ELFN2: variants seen among roughly 807,000 people sequenced by gnomAD.
ELFN2 encodes protein phosphatase 1 regulatory subunit 29.
ELFN2 carries 17 observed loss-of-function variants against 45.5 expected under a neutral mutation model. The observed-to-expected ratio is 0.37, with a 90% confidence interval of 0.26 to 0.56. ELFN2 has a LOEUF of 0.56. Among genes scored for constraint, ELFN2 ranks in the 20% least tolerant of loss-of-function variants. The probability of loss-of-function intolerance (pLI) is 0.77; values close to 1 mark genes in which losing one functional copy is unlikely to be tolerated. For synonymous variants in ELFN2, 550 were observed against 551.5 expected (o/e 1.00, Z 0.04); for missense variants, 922 against 1,183.2 (o/e 0.78, Z 3.24).
chr22:37,400,224 T>C (rs1381508424), intron 2 of ELFN2, among the ~76,000 whole-genome samples: 1 of 151,512 alleles, frequency 6.6e-6, no homozygotes, highest in Non-Finnish European at 1.5e-5. Context: ...CCCTCGTGTC[T>C]ACCCCCATCC....
downstream of ELFN2, among the ~76,000 whole-genome samples, chr22:37,366,577 G>A (rs1272023268): frequency 6.6e-6 from 1 of 152,210 alleles, no homozygotes; most frequent in African/African-American, 2.4e-5. Flanking sequence ...GCTGAGCAGG[G>A]GCTCCTGGAG....
Position 37,403,343 on chromosome 22 carries a change from C to A in ELFN2, c.-463+14426G>T, listed in dbSNP as rs1413473653. On this transcript the variant is annotated intron_variant, in intron 2 of 2. Coordinates refer to ENST00000402918, the MANE Select transcript of ELFN2 (RefSeq NM_052906.5). ...ACCACCTTCCCAATTTAGGAGGAGT[C>A]CCCGAGGGCATCCCTAGGGCAGAGG... Among the ~76,000 whole-genome samples the A allele has an allele frequency of 2.6e-5, 4 of 152,172 alleles. No homozygotes were observed. In the East Asian group the frequency reaches 7.7e-4, roughly 29 times the overall value.
intron 1 of ELFN2, chr22:37,420,455 T>G (rs1932801830): frequency 6.5e-6 from 1 of 153,038 alleles, no homozygotes; most frequent in Non-Finnish European, 1.5e-5. Flanking sequence ...TGCCCTCACC[T>G]CCACCTCCGC....
intron 1 of ELFN2, among the ~76,000 whole-genome samples, chr22:37,351,233 C>G (rs1204734643): frequency 1.3e-5 from 2 of 149,102 alleles, no homozygotes; most frequent in African/African-American, 4.9e-5. Context: ...CTCCCTCCTC[C>G]TCACTGTCTT....
In ELFN2 at chr22:37,379,981, C is replaced by T. The variant is rs184975537; in HGVS notation, c.-462-3985G>A. On this transcript the variant is annotated intron_variant, in intron 2 of 2. Coordinates refer to ENST00000402918, the MANE Select transcript of ELFN2 (RefSeq NM_052906.5). Reference sequence around the variant, plus strand: ...GCGCCTGGCCTCTGTGAATGACAGCCGCTGTTGTTAATGGGGGTTTTATAG... The same window carrying T: ...GCGCCTGGCCTCTGTGAATGACAGCTGCTGTTGTTAATGGGGGTTTTATAG... Among the ~76,000 whole-genome samples the T allele has an allele frequency of 1.7e-3, 257 of 152,298 alleles. 1 individual carries two copies. Among genetic ancestry groups the T allele is most frequent in the African/African-American group, 5.9e-3 (247 of 41,572 alleles).
chr22:37,415,702 C>T (rs1211455869), intron 2 of ELFN2, among the ~76,000 whole-genome samples: 2 of 152,184 alleles, frequency 1.3e-5, no homozygotes, highest in Non-Finnish European at 2.9e-5. Flanking sequence ...GTGGCTCACG[C>T]CTGTAATCCC....
intron 1 of ELFN2, among the ~76,000 whole-genome samples, chr22:37,349,497 C>T (rs373825581): frequency 2.2e-4 from 34 of 151,388 alleles, no homozygotes; most frequent in Middle Eastern, 3.4e-3. Context: ...TCTGCTCCCT[C>T]CTACAGCCAC....
At chr22:37,342,431 C>A (rs537536433) in intron 2 of ELFN2, among the ~76,000 whole-genome samples, 1 of 152,112 alleles carries the variant, frequency 6.6e-6, no homozygotes, top group South Asian at 2.1e-4. Flanking sequence ...GAGGGCCATT[C>A]CAGGCAGAGG....
chr22:37,342,888 G>A lies in ELFN2; in HGVS notation n.149-185C>T, dbSNP rs576796941. Among the ~76,000 whole-genome samples the A allele has an allele frequency of 1.6e-3, 241 of 152,254 alleles. 3 individuals carry two copies. The highest frequency in any genetic ancestry group is 0.014 in the Admixed American group (220 of 15,296). The stretch of plus-strand genomic sequence containing the variant: ...GCCCAGACAGGTAGATCTGTTTCAA[G>A]CCCCCATTCATTGGAAGATGGAGAA... On this transcript the variant is annotated intron_variant and non_coding_transcript_variant, in intron 1 of 2. Transcript: ENST00000452946.
chr22:37,351,720 G>A (rs939327183), intron 1 of ELFN2, among the ~76,000 whole-genome samples: 13 of 150,748 alleles, frequency 8.6e-5, no homozygotes, highest in African/African-American at 2.9e-4. Context: ...CTCCACCTCC[G>A]AGCCCTTCCC....
intron 1 of ELFN2, among the ~76,000 whole-genome samples, chr22:37,423,137 G>C (rs114269041): frequency 6.6e-5 from 10 of 152,092 alleles, no homozygotes; most frequent in Admixed American, 6.6e-4. Context: ...ACTGTCACCC[G>C]GGGGAGCCCT....
At position 37,372,552 on chromosome 22, in the gene ELFN2, T is replaced by A. The variant is rs1803029368; in HGVS notation, c.*520A>T. 1 of 153,252 alleles carries A rather than the reference T, an allele frequency of 6.5e-6. No homozygotes were observed. The highest frequency in any genetic ancestry group is 1.9e-4 in the East Asian group (1 of 5,176). 9.5% of individuals were successfully genotyped at this position (153,252 alleles called of 1,614,324 possible). ...TCAACTCCCTTCTCTGGGCCTCAGT[T>A]TCCCCCCCTCTCTAAAGTGGAAGGA... On this transcript the variant is annotated 3_prime_UTR_variant, in exon 3 of 3. Transcript: ENST00000402918. The surrounding 1 kb of genome is among the most constrained non-coding windows in gnomAD (Gnocchi z 4.4).
chr22:37,399,587 G>A (rs990761809), intron 2 of ELFN2, among the ~76,000 whole-genome samples: 40 of 129,942 alleles, frequency 3.1e-4, no homozygotes, highest in Non-Finnish European at 1.6e-4. Flanking sequence ...CACCGACCAC[G>A]GGGACCACCA....
In ELFN2 at chr22:37,417,319, C is replaced by G. The variant is rs962617324; in HGVS notation, c.-463+450G>C. ...TCCCCTGCTCCCGGCTCACTTCCAGCCTCTCTCTCTACAATGGACAGACCC... is the reference window on the plus strand; with the variant it reads ...TCCCCTGCTCCCGGCTCACTTCCAGGCTCTCTCTCTACAATGGACAGACCC... On this transcript the variant is annotated intron_variant, in intron 2 of 2. Transcript: ENST00000402918. This position sits in a 1 kb window ranked among gnomAD's most constrained non-coding sequence, Gnocchi z 4.5. Among the ~76,000 whole-genome samples the G allele has an allele frequency of 3.3e-5, 5 of 152,168 alleles. No homozygotes were observed. The highest frequency in any genetic ancestry group is 6.5e-5 in the Admixed American group (1 of 15,276).
chr22:37,415,998 G>A (rs1932756504), intron 2 of ELFN2, among the ~76,000 whole-genome samples: 1 of 152,152 alleles, frequency 6.6e-6, no homozygotes, highest in Non-Finnish European at 1.5e-5. Context: ...GGTGGTGGTG[G>A]TTCCCAGTCA....
intron 2 of ELFN2, among the ~76,000 whole-genome samples, chr22:37,410,754 CG>C (rs1401579338): frequency 1.4e-4 from 21 of 152,324 alleles, no homozygotes; most frequent in Admixed American, 1.3e-3. Context: ...GGAGGATGAT[CG>C]GGCCGGAGCC....
chr22:37,366,326 C>T (rs532031048), downstream of ELFN2, among the ~76,000 whole-genome samples: 77 of 152,102 alleles, frequency 5.1e-4, no homozygotes, highest in Non-Finnish European at 8.4e-4. Context: ...GAACTGTTGC[C>T]GGATCTCCAC....
At chr22:37,342,283 C>T (rs2145605615) in intron 2 of ELFN2, among the ~76,000 whole-genome samples, 1 of 152,316 alleles carries the variant, frequency 6.6e-6, no homozygotes, top group East Asian at 1.9e-4. Context: ...CAGCTCCTCC[C>T]CAGCATTTCA....
Position 37,373,495 on chromosome 22 carries a change from C to T in ELFN2, c.2040G>A (p.Val680=), listed in dbSNP as rs1457346215. 1.5e-5 allele frequency: 23 copies of T among 1,550,198 alleles called. No individual in the cohort carries two copies. Among genetic ancestry groups the T allele is most frequent in the Non-Finnish European group, 1.9e-5 (22 of 1,149,646 alleles). ...LNSPLDRLPL[V]PAGSGGGSGG... ...CGCTGCCCCCGCCGCTGCCCGCCGG[C>T]ACCAGCGGGAGCCGGTCCAGCGGGC... Residue 680 remains valine, a synonymous_variant, in exon 3 of 3, where the codon GTG becomes GTA. Transcript: ENST00000402918.
Sources: gnomAD v4.1 joint callset for allele counts (sites outside exome capture counted in the v4.1 genomes callset) on GRCh38, gnomAD v4.1.1 for gene constraint, Gnocchi (gnomAD v3.1) non-coding constraint, MANE v1.5 for transcripts, NCBI Gene and HGNC (gene_info 2026-07-23, HGNC 2026-07-21) for gene names.